Variants in EGLN1 observed in about 807,000 individuals in gnomAD.
The protein encoded by EGLN1 is egl-9 family hypoxia inducible factor 1.
EGLN1 carries 17 observed loss-of-function variants against 38.3 expected under a neutral mutation model. The observed-to-expected ratio is 0.44, with a 90% confidence interval of 0.30 to 0.67. The LOEUF (loss-of-function observed/expected upper bound fraction) is 0.67, where lower values mean the gene tolerates loss of function less well. Ranked by LOEUF, EGLN1 falls within the 30% of genes least tolerant of loss-of-function variation. The pLI is 0.08. For missense variants in EGLN1, 477 were observed against 603.3 expected (o/e 0.79, Z 2.19); for synonymous variants, 283 against 257.5 (o/e 1.10, Z -0.95).
intron 1 of EGLN1, among the ~76,000 whole-genome samples, chr1:231,399,809 A>G (rs1278792229): frequency 6.6e-6 from 1 of 152,146 alleles, no homozygotes; most frequent in Non-Finnish European, 1.5e-5. Flanking sequence ...ATTCTTGACC[A>G]ATATATACCA....
At chr1:231,383,425 A>G (rs1688121793) in intron 1 of EGLN1, among the ~76,000 whole-genome samples, 1 of 152,242 alleles carries the variant, frequency 6.6e-6, no homozygotes, top group South Asian at 2.1e-4. Flanking sequence ...TTACTTACAC[A>G]AAGTACCCAG....
Position 231,364,580 on chromosome 1 carries a change from T to C in EGLN1, c.*1831A>G, listed in dbSNP as rs895690491. 6.7e-6 allele frequency: 1 copy of C among 149,716 alleles called. No homozygotes were observed. Among genetic ancestry groups the C allele is most frequent in the African/African-American group, 2.4e-5 (1 of 40,854 alleles). 9.3% of individuals were successfully genotyped at this position (149,716 alleles called of 1,614,324 possible). ...CTATACTGAACATTCAATCCCATCC[T>C]AAGTCCACTGTTGGCTTCACTACAC... is the stretch of plus-strand genomic sequence containing the variant. On this transcript the variant is annotated 3_prime_UTR_variant, in exon 5 of 5. Transcript: ENST00000366641.
intron 1 of EGLN1, among the ~76,000 whole-genome samples, chr1:231,401,793 G>A (rs1688670523): frequency 1.3e-5 from 2 of 152,118 alleles, no homozygotes; most frequent in South Asian, 2.1e-4. Flanking sequence ...GTCTTTGTAT[G>A]AACGTGTTTT....
rs974780015 is a variant in EGLN1, at chr1:231,369,714, G to A, written c.1148+848C>T. 6 of 487,102 alleles carry A rather than the reference G, an allele frequency of 1.2e-5. No homozygotes were observed. In the South Asian group the frequency reaches 3.5e-4, roughly 28 times the overall value. 30.2% of individuals were successfully genotyped at this position (487,102 alleles called of 1,614,324 possible). ...TACTAAAGCCAACTCTCCACCCAGCGCATCTAAGCCTGTGCCTCTTCTTGC... is the reference window on the plus strand; with the variant it reads ...TACTAAAGCCAACTCTCCACCCAGCACATCTAAGCCTGTGCCTCTTCTTGC... On this transcript the variant is annotated intron_variant, in intron 3 of 4. Coordinates refer to ENST00000366641, the MANE Select transcript of EGLN1 (RefSeq NM_022051.3).
intron 1 of EGLN1, among the ~76,000 whole-genome samples, chr1:231,391,277 G>A (rs1166900916): frequency 6.6e-6 from 1 of 151,970 alleles, no homozygotes; most frequent in Non-Finnish European, 1.5e-5. Flanking sequence ...AAGGAACCTG[G>A]ACTATGCTAT....
intron 1 of EGLN1, among the ~76,000 whole-genome samples, chr1:231,385,177 T>C (rs1246526489): frequency 2.0e-5 from 3 of 152,254 alleles, no homozygotes; most frequent in African/African-American, 4.8e-5. Flanking sequence ...GTTTAAGCAA[T>C]AGGGAAAATG....
At chr1:231,381,802 G>A (rs1453317955) in intron 1 of EGLN1, among the ~76,000 whole-genome samples, 3 of 152,150 alleles carry the variant, frequency 2.0e-5, no homozygotes, top group Non-Finnish European at 4.4e-5. Flanking sequence ...AATCTTACCA[G>A]CACTGCACAA....
In EGLN1 at chr1:231,421,602, G is replaced by A. The variant is rs113401862; in HGVS notation, c.287C>T (p.Ala96Val). Residue 96 changes from alanine (A) to valine (V), a missense_variant, in exon 1 of 5, where the codon GCA becomes GTA. This residue lies in a region of EGLN1 where 298 missense variants were observed against 288.9 expected (regional missense o/e 1.03). Transcript: ENST00000366641. The surrounding 1 kb of genome is among the most constrained non-coding windows in gnomAD (Gnocchi z 5.5). Reference sequence around the variant, plus strand: ...GGAGGCGTTGTCCCGGCGCGCCGCTGCCTTCCTGGGCTCCCGGGCCCCGGC... The same window carrying A: ...GGAGGCGTTGTCCCGGCGCGCCGCTACCTTCCTGGGCTCCCGGGCCCCGGC... ...PRAGAREPRK[A>V]AARRDNASGD... The A allele has an allele frequency of 4.7e-4, 624 of 1,330,222 alleles. 1 individual carries two copies. The African/African-American group carries it at 8.6e-3, about 18-fold the overall frequency. 82.4% of individuals were successfully genotyped at this position (1,330,222 alleles called of 1,614,324 possible). A position where few individuals can be genotyped will look rare whatever the true frequency, so the allele number is the denominator to read the frequency against.
chr1:231,399,564 A>G (rs1027442904), intron 1 of EGLN1, among the ~76,000 whole-genome samples: 1 of 152,242 alleles, frequency 6.6e-6, no homozygotes, highest in Admixed American at 6.5e-5. Context: ...CCAACAGAGG[A>G]GAATAAAGCC....
In EGLN1 at chr1:231,365,762, CAAAA is replaced by C. The variant is rs149920332; in HGVS notation, c.*645_*648del. 9.3e-5 allele frequency: 14 copies of C among 150,532 alleles called. No homozygotes were observed. The highest frequency in any genetic ancestry group is 2.1e-4 in the Non-Finnish European group (14 of 67,556). 9.3% of individuals were successfully genotyped at this position (150,532 alleles called of 1,614,324 possible). A position where few individuals can be genotyped will look rare whatever the true frequency, so the allele number is the denominator to read the frequency against. On this transcript the variant is annotated 3_prime_UTR_variant, in exon 5 of 5. Transcript: ENST00000366641. ...AATTAGGTTTCGTTATTGACAATGT[CAAAA>C]AAAAAGCAGCAATCTTTAACAGTTC... is the stretch of plus-strand genomic sequence containing the variant.
In EGLN1 at chr1:231,422,196, GCCCCCTC is replaced by G. The variant is rs1656658818; in HGVS notation, c.-315_-309del. ...CGCGGGCCTGGGGAGCGCAAGACCG[GCCCCCTC>G]GGCCGCCGCCGCCGCCTCAGCGTCC... On this transcript the variant is annotated 5_prime_UTR_variant, in exon 1 of 5. Transcript: ENST00000366641. The G allele has an allele frequency of 1.5e-5, 3 of 204,158 alleles. No individual in the cohort carries two copies. The highest frequency in any genetic ancestry group is 7.0e-5 in the African/African-American group (3 of 42,980). 12.6% of individuals were successfully genotyped at this position (204,158 alleles called of 1,614,324 possible).
At chr1:231,375,917 C>CA (rs1687947018) in intron 1 of EGLN1, among the ~76,000 whole-genome samples, 1 of 152,146 alleles carries the variant, frequency 6.6e-6, no homozygotes, top group Non-Finnish European at 1.5e-5. Flanking sequence ...CTCTACATCT[C>CA]AAAAAAGTTA....
intron 1 of EGLN1, among the ~76,000 whole-genome samples, 164 bp from the exon 2 acceptor site, chr1:231,374,263 T>C (rs560321810): frequency 1.3e-5 from 2 of 152,364 alleles, no homozygotes; most frequent in South Asian, 2.1e-4. Context: ...TTAACATTTA[T>C]AGGGAACACA....
intron 1 of EGLN1, among the ~76,000 whole-genome samples, chr1:231,396,120 T>C (rs1688522451): frequency 6.6e-6 from 1 of 152,062 alleles, no homozygotes. Flanking sequence ...ATTCATCTTC[T>C]TGAACCTCTA....
At chr1:231,401,375 G>A (rs1275601431) in intron 1 of EGLN1, among the ~76,000 whole-genome samples, 1 of 152,056 alleles carries the variant, frequency 6.6e-6, no homozygotes, top group Non-Finnish European at 1.5e-5. Flanking sequence ...AATAGTGCTT[G>A]GTACACAATA....
intron 1 of EGLN1, among the ~76,000 whole-genome samples, chr1:231,401,130 C>T (rs1437574712): frequency 2.6e-5 from 4 of 152,088 alleles, no homozygotes; most frequent in Admixed American, 6.5e-5. Context: ...ATAAATACAA[C>T]ACCCCTCAAA....
chr1:231,414,286 T>C (rs886812271), intron 1 of EGLN1, among the ~76,000 whole-genome samples: 1 of 152,004 alleles, frequency 6.6e-6, no homozygotes, highest in Non-Finnish European at 1.5e-5. Flanking sequence ...ACTGAAATAG[T>C]TGGGGTAGCT....
chr1:231,416,981 A>C (rs1025978264), intron 1 of EGLN1, among the ~76,000 whole-genome samples: 17 of 152,222 alleles, frequency 1.1e-4, no homozygotes, highest in Admixed American at 3.3e-4. Flanking sequence ...AAAGGAGATA[A>C]AGGTGTACTT....
chr1:231,379,981 T>C (rs1367438193), intron 1 of EGLN1, among the ~76,000 whole-genome samples: 1 of 152,108 alleles, frequency 6.6e-6, no homozygotes. Context: ...TACAAAAATC[T>C]AGTTCAAATA....
Sources: allele counts gnomAD v4.1 joint callset (sites outside exome capture counted in the v4.1 genomes callset), GRCh38; gene constraint gnomAD v4.1.1; regional missense constraint gnomAD v4.1.1; non-coding constraint Gnocchi (gnomAD v3.1); transcripts MANE v1.5; gene names NCBI Gene and HGNC (gene_info 2026-07-23, HGNC 2026-07-21).